The following ZDHHC24 variants were observed in gnomAD, a reference collection of about 807,000 sequenced individuals.
The protein encoded by ZDHHC24 is zDHHC palmitoyltransferase 24, also known as probable palmitoyltransferase ZDHHC24.
ZDHHC24 carries 17 observed loss-of-function variants against 23.2 expected under a neutral mutation model. The observed-to-expected ratio is 0.73, with a 90% CI of 0.50 to 1.10. The LOEUF (loss-of-function observed/expected upper bound fraction) is 1.10, where lower values mean the gene tolerates loss of function less well. Among genes scored for constraint, ZDHHC24 ranks in the 50% least tolerant of loss-of-function variants. The pLI is 0.00. For synonymous variants in ZDHHC24, 186 were observed against 194.5 expected (o/e 0.96, Z 0.36); for missense variants, 366 against 393.0 (o/e 0.93, Z 0.58).
At chr11:66,526,715 G>A (rs766745190) in intron 4 of ZDHHC24, 1 of 1,614,190 alleles carries the variant, frequency 6.2e-7, no homozygotes, top group South Asian at 1.1e-5. Context: ...AGTGAGGTGG[G>A]TCCCCCACCA....
At chr11:66,528,443 A>T (rs1856613613) in intron 3 of ZDHHC24, among the ~76,000 whole-genome samples, 1 of 152,168 alleles carries the variant, frequency 6.6e-6, no homozygotes, top group South Asian at 2.1e-4. Flanking sequence ...GAAAATAAGA[A>T]TGAGGGGACT....
chr11:66,541,296 G>A (rs551478057), intron 2 of ZDHHC24, among the ~76,000 whole-genome samples: 32 of 151,886 alleles, frequency 2.1e-4, no homozygotes, highest in African/African-American at 6.1e-4. Context: ...CCAGCTACTC[G>A]GGAGGCTGAG....
chr11:66,539,716 CGCA>C lies in ZDHHC24; in HGVS notation c.665_667del (p.Leu222del). 1 of 1,612,682 alleles carries C rather than the reference CGCA, an allele frequency of 6.2e-7. No homozygotes were observed. On this transcript the variant is annotated inframe_deletion, in exon 3 of 3. Transcript: ENST00000310442. ...AGCCCACTCCCATGTGGTCTGGCCCCGCAGCAGCAGCATCCCATGGAAGAGCAG... is the reference window on the plus strand; with the variant it reads ...AGCCCACTCCCATGTGGTCTGGCCCCGCAGCAGCATCCCATGGAAGAGCAG...
At chr11:66,534,360 T>C (rs1856893149), downstream of ZDHHC24, among the ~76,000 whole-genome samples, 1 of 148,708 alleles carries the variant, frequency 6.7e-6, no homozygotes, top group African/African-American at 2.5e-5. Flanking sequence ...GGAGAATTGC[T>C]TGAAACAGGA....
At chr11:66,523,180 A>G (rs1052881233) in intron 4 of ZDHHC24, 4 of 577,260 alleles carry the variant, frequency 6.9e-6, no homozygotes, top group Non-Finnish European at 9.8e-6. Flanking sequence ...AGATGATCAT[A>G]CAAGCCACCA....
intron 2 of ZDHHC24, among the ~76,000 whole-genome samples, chr11:66,540,153 C>A (rs1388591378): frequency 6.6e-6 from 1 of 152,130 alleles, no homozygotes. Context: ...TGCGGTGGCT[C>A]ACACCTGTAA....
At position 66,529,156 on chromosome 11, in the gene ZDHHC24, G is replaced by A. The variant is rs2511218; in HGVS notation, c.736+156C>T. On this transcript the variant is annotated intron_variant, in intron 3 of 4. Coordinates refer to the ZDHHC24 transcript ENST00000526986. ...AAGAGCGAAGCCAGCCTGGGGGACC[G>A]AGGTGCCCAGTCTGGAAGAGGAGGG... 1,377 of 983,486 alleles carry A rather than the reference G, an allele frequency of 1.4e-3. 16 individuals carry two copies. The African/African-American group carries it at 0.023, about 16-fold the overall frequency. 60.9% of individuals were successfully genotyped at this position (983,486 alleles called of 1,614,324 possible).
chr11:66,526,698 G>A (rs1287720559), intron 4 of ZDHHC24: 1 of 1,614,104 alleles, frequency 6.2e-7, no homozygotes, highest in Non-Finnish European at 8.5e-7. Flanking sequence ...TGTTTGTAGA[G>A]GGAGGAAGTG....
chr11:66,538,418 T>TTA lies in ZDHHC24; in HGVS notation c.*1110_*1111insTA. On this transcript the variant is annotated 3_prime_UTR_variant, in exon 3 of 3. Transcript: ENST00000310442. Reference sequence around the variant, plus strand: ...GTCTCAAAAAAGAAAAAAAAAAAAATCAGCCGGGCATAGTGGCGGGTGTCT... The same window carrying TTA: ...GTCTCAAAAAAGAAAAAAAAAAAAATTACAGCCGGGCATAGTGGCGGGTGTCT... 6.7e-6 allele frequency: 1 copy of TTA among 148,246 alleles called. No individual in the cohort carries two copies. Among genetic ancestry groups the TTA allele is most frequent in the Non-Finnish European group, 1.5e-5 (1 of 67,090 alleles). 9.2% of individuals were successfully genotyped at this position (148,246 alleles called of 1,614,324 possible). A position where few individuals can be genotyped will look rare whatever the true frequency, so the allele number is the denominator to read the frequency against.
At chr11:66,540,452 G>A (rs28640072) in intron 2 of ZDHHC24, among the ~76,000 whole-genome samples, 2,584 of 145,268 alleles carry the variant, frequency 0.018, 79 homozygotes, top group African/African-American at 0.062. Context: ...AAAAAAGGCC[G>A]GACGCGATGG....
chr11:66,529,511 G>A (rs1338882273), intron 2 of ZDHHC24: 1 of 722,274 alleles, frequency 1.4e-6, no homozygotes, highest in South Asian at 1.5e-5. Context: ...GATGGAGGAT[G>A]AGAAGAGGAC....
At chr11:66,542,231 C>T (rs1048559503) in intron 2 of ZDHHC24, among the ~76,000 whole-genome samples, 39 of 151,964 alleles carry the variant, frequency 2.6e-4, no homozygotes, top group African/African-American at 8.7e-4. Context: ...CAGGCATAGC[C>T]GAGGGCCTGC....
chr11:66,531,550 T>C (rs1006529582), downstream of ZDHHC24: 52 of 1,460,680 alleles, frequency 3.6e-5, 1 homozygote, highest in African/African-American at 7.0e-4. Context: ...CTGCCCACCC[T>C]GCAGGGGTGC....
Position 66,545,625 on chromosome 11 carries a change from A to C in ZDHHC24, c.281+98T>G. 7.6e-7 allele frequency: 1 copy of C among 1,307,406 alleles called. No homozygotes were observed. Among genetic ancestry groups the C allele is most frequent in the Non-Finnish European group, 1.0e-6 (1 of 995,744 alleles). The allele number at this position is 1,307,406 out of a possible 1,614,324, so 81.0% of individuals were successfully genotyped here. A position where few individuals can be genotyped will look rare whatever the true frequency, so the allele number is the denominator to read the frequency against. On this transcript the variant is annotated intron_variant, in intron 1 of 2. Transcript: ENST00000310442. This position sits in a 1 kb window ranked among gnomAD's most constrained non-coding sequence, Gnocchi z 4.5. ...AAAATGTCTGATTCTAACAACCTGG[A>C]TCCTAATGTAACCCGGTTCTAACAT...
At chr11:66,530,998 G>A (rs373397428), downstream of ZDHHC24, 21 of 1,614,078 alleles carry the variant, frequency 1.3e-5, 1 homozygote, top group East Asian at 1.6e-4. Context: ...ACAACGAGGC[G>A]CTCTATTCCC....
Position 66,543,712 on chromosome 11 carries a change from A to G in ZDHHC24, c.551T>C (p.Leu184Ser). ...CCTCCCAGGCTCCCCACCTGTGAGCAACATGAGCCAGGGAAGCAGGAGGAG... is the reference window on the plus strand; with the variant it reads ...CCTCCCAGGCTCCCCACCTGTGAGCGACATGAGCCAGGGAAGCAGGAGGAG... The part of the protein sequence containing the change: ...AALLLLPWLM[L>S]LTGRVSLAQF... Residue 184 changes from leucine to serine, a missense_variant, in exon 2 of 3, where the codon TTG (leucine) becomes TCG (serine). Leu to Ser is a moderately radical substitution (Grantham distance 145). Transcript: ENST00000310442. 6.3e-7 allele frequency: 1 copy of G among 1,585,810 alleles called. No individual in the cohort carries two copies. Among genetic ancestry groups the G allele is most frequent in the Non-Finnish European group, 8.6e-7 (1 of 1,166,248 alleles).
intron 3 of ZDHHC24, among the ~76,000 whole-genome samples, chr11:66,528,484 C>G (rs1163564544): frequency 6.6e-6 from 1 of 152,064 alleles, no homozygotes; most frequent in Non-Finnish European, 1.5e-5. Context: ...TGAACTCAAG[C>G]TGTGGGAATC....
In ZDHHC24 at chr11:66,539,389, G is replaced by C; in HGVS notation, c.*140C>G. ...AAGCCCTGGACACGTAGGAGTGTAG[G>C]CGGGCAGGGGCAAGGCCAAGGAAGG... On this transcript the variant is annotated 3_prime_UTR_variant, in exon 3 of 3. Transcript: ENST00000310442. 7.3e-7 allele frequency: 1 copy of C among 1,372,332 alleles called. No individual in the cohort carries two copies. The highest frequency in any genetic ancestry group is 9.4e-7 in the Non-Finnish European group (1 of 1,066,064). The allele number at this position is 1,372,332 out of a possible 1,614,324, so 85.0% of individuals were successfully genotyped here.
chr11:66,523,983 A>G (rs971169901), intron 4 of ZDHHC24: 2 of 1,544,762 alleles, frequency 1.3e-6, no homozygotes, highest in East Asian at 4.6e-5. Context: ...GATGCATTTC[A>G]AAAACATTTG....
Sources: allele counts gnomAD v4.1 joint callset (sites outside exome capture counted in the v4.1 genomes callset), GRCh38; gene constraint gnomAD v4.1.1; non-coding constraint Gnocchi (gnomAD v3.1); transcripts MANE v1.5; gene names NCBI Gene and HGNC (gene_info 2026-07-23, HGNC 2026-07-21).